Variants in MMS19 observed in about 807,000 individuals in gnomAD.
The protein encoded by MMS19 is MMS19 cytosolic iron-sulfur assembly component.
MMS19 carries 77 observed loss-of-function variants against 129.8 expected under a neutral mutation model. That is an observed-to-expected ratio of 0.59 (90% confidence interval 0.49 to 0.72). The LOEUF (loss-of-function observed/expected upper bound fraction) is 0.72. Ranked by LOEUF, MMS19 falls within the 30% of genes least tolerant of loss-of-function variation. The probability of loss-of-function intolerance (pLI) is 0.00; values close to 1 mark genes in which losing one functional copy is unlikely to be tolerated. For synonymous variants in MMS19, 491 were observed against 502.8 expected (o/e 0.98, Z 0.31); for missense variants, 1,168 against 1,266.3 (o/e 0.92, Z 1.18).
At chr10:97,473,687 G>C (rs2035200660) in intron 8 of MMS19, among the ~76,000 whole-genome samples, 1 of 152,052 alleles carries the variant, frequency 6.6e-6, no homozygotes, top group Non-Finnish European at 1.5e-5. Flanking sequence ...AGAATATCTT[G>C]TGACAAGTGA....
intron 7 of MMS19, 34 bp downstream of exon 7, chr10:97,476,801 C>T: frequency 6.2e-7 from 1 of 1,613,812 alleles, no homozygotes; most frequent in Non-Finnish European, 8.5e-7. Flanking sequence ...TCTGATAAAG[C>T]TCCAATGAGC....
Position 97,476,942 on chromosome 10 carries a change from T to A in MMS19, c.515A>T (p.Asp172Val). The A allele has an allele frequency of 6.2e-7, 1 of 1,613,854 alleles. No individual in the cohort carries two copies. Among genetic ancestry groups the A allele is most frequent in the Non-Finnish European group, 8.5e-7 (1 of 1,179,784 alleles). The change falls in exon 7 of 31, where the codon GAC (aspartate) becomes GTC (valine). Residue 172 changes from aspartate (D) to valine (V), a missense_variant. Asp to Val is a radical substitution (Grantham distance 152). Around this residue, in one of 3 missense-constraint regions of MMS19, gnomAD observed 329 missense variants for 328.6 expected, o/e 1.00. Transcript: ENST00000438925. ...CACCTGGATGAAGCCAAAGGTGAAG[T>A]CAGCTCCTAGGCTCTTTAGCTCTGG... Reference protein sequence around the residue: ...REEELKSLGADFTFGFIQVMD... With the variant: ...REEELKSLGAVFTFGFIQVMD...
At chr10:97,462,172 T>A in intron 20 of MMS19, 53 bp from the exon 21 acceptor site, 8 of 1,303,742 alleles carry the variant, frequency 6.1e-6, no homozygotes, top group Non-Finnish European at 8.7e-6. Flanking sequence ...AAAGCAGCCC[T>A]CTCCTCCACA....
upstream of MMS19, chr10:97,498,456 C>G (rs562528648): frequency 1.4e-5 from 22 of 1,529,402 alleles, no homozygotes; most frequent in Admixed American, 2.0e-5. Flanking sequence ...ATGCGCCTCC[C>G]GAGCCAATCT....
At chr10:97,465,043 C>T (rs947792644) in intron 18 of MMS19, among the ~76,000 whole-genome samples, 5 of 151,520 alleles carry the variant, frequency 3.3e-5, no homozygotes, top group African/African-American at 9.7e-5. Context: ...GAGTTTCACC[C>T]TGTTTGCCCA....
rs755911503 is a variant in MMS19 at position 97,468,551 on chromosome 10, C to T, written c.1064-145G>A. The stretch of plus-strand genomic sequence containing the variant: ...TGTTTTCAATTCAAAGTAGGGCTAT[C>T]GCCCCCAAATCACCAAATATGTTGG... On this transcript the variant is annotated intron_variant, in intron 12 of 30. Transcript: ENST00000438925. 57 of 744,166 alleles carry T rather than the reference C, an allele frequency of 7.7e-5. 1 individual carries two copies. Among genetic ancestry groups the T allele is most frequent in the Admixed American group, 5.2e-4 (15 of 28,894 alleles). The allele number at this position is 744,166 out of a possible 1,614,324, so 46.1% of individuals were successfully genotyped here. A position where few individuals can be genotyped will look rare whatever the true frequency, so the allele number is the denominator to read the frequency against.
intron 12 of MMS19, 47 bp from the exon 13 acceptor site, chr10:97,468,453 C>A: frequency 1.3e-6 from 2 of 1,530,966 alleles, no homozygotes; most frequent in South Asian, 1.2e-5. Context: ...CCAAATGGTG[C>A]CTGACTCCCC....
intron 10 of MMS19, among the ~76,000 whole-genome samples, 178 bp from the exon 11 acceptor site, chr10:97,469,901 G>A (rs901491698): frequency 1.3e-5 from 2 of 152,162 alleles, no homozygotes; most frequent in African/African-American, 2.4e-5. Context: ...TGATAAAATA[G>A]AAGCCTAAAG....
intron 2 of MMS19, among the ~76,000 whole-genome samples, chr10:97,483,809 G>C (rs2037321614): frequency 6.6e-6 from 1 of 152,234 alleles, no homozygotes; most frequent in Non-Finnish European, 1.5e-5. Context: ...ATCAACAACA[G>C]CTGATGGCCT....
Position 97,461,809 on chromosome 10 carries a change from C to A in MMS19, c.2184+19G>T. 1 of 1,602,574 alleles carries A rather than the reference C, an allele frequency of 6.2e-7. No individual in the cohort carries two copies. The highest frequency in any genetic ancestry group is 8.5e-7 in the Non-Finnish European group (1 of 1,174,694). ...TTGTCAAGGTTAAATAACAGTACTT[C>A]CCAAATGTGCTCACTTACATTTCGA... On this transcript the variant is annotated intron_variant, in intron 22 of 30. Transcript: ENST00000438925.
At chr10:97,485,075 T>C (rs1386271852) in intron 1 of MMS19, among the ~76,000 whole-genome samples, 2 of 151,880 alleles carry the variant, frequency 1.3e-5, no homozygotes, top group Non-Finnish European at 2.9e-5. Context: ...GCGTGCGACC[T>C]AGACATAAAC....
Position 97,460,161 on chromosome 10 carries a change from G to T in MMS19, c.2541C>A (p.Asp847Glu), listed in dbSNP as rs761341063. ...AADGFSLLMSDCTDVLTRAGH... is the reference protein window; with the variant it reads ...AADGFSLLMSECTDVLTRAGH... The stretch of plus-strand genomic sequence containing the variant: ...CAGCACGAGTCAGCACATCAGTGCA[G>T]TCAGACATGAGCAGAGAGAAGCCAT... The change falls in exon 26 of 31, where the codon GAC becomes GAA. Residue 847 changes from aspartate (D) to glutamate (E), a missense_variant. Asp to Glu is a conservative substitution (Grantham distance 45). Transcript: ENST00000438925. 1.2e-6 allele frequency: 2 copies of T among 1,614,022 alleles called. No individual in the cohort carries two copies.
chr10:97,471,890 G>A (rs1051044465), intron 8 of MMS19, among the ~76,000 whole-genome samples: 4 of 151,990 alleles, frequency 2.6e-5, no homozygotes, highest in Admixed American at 2.6e-4. Flanking sequence ...AAAAGACAGA[G>A]GTACAAAATA....
rs1427667220 is a variant in MMS19 at position 97,461,819 on chromosome 10, C to T, written c.2184+9G>A. The T allele has an allele frequency of 1.2e-6, 2 of 1,606,174 alleles. No homozygotes were observed. The highest frequency in any genetic ancestry group is 2.7e-5 in the African/African-American group (2 of 74,776). Reference sequence around the variant, plus strand: ...TAAATAACAGTACTTCCCAAATGTGCTCACTTACATTTCGAGGCAGGGAGC... The same window carrying T: ...TAAATAACAGTACTTCCCAAATGTGTTCACTTACATTTCGAGGCAGGGAGC... On this transcript the variant is annotated intron_variant, in intron 22 of 30. Coordinates refer to ENST00000438925, the MANE Select transcript of MMS19 (RefSeq NM_022362.5).
Position 97,469,013 on chromosome 10 carries a change from G to A in MMS19, c.1016C>T (p.Ala339Val). The change falls in exon 12 of 31, where the codon GCT becomes GTT. Residue 339 changes from alanine to valine, a missense_variant. Ala to Val is a moderately conservative substitution (Grantham distance 64, BLOSUM62 0). Around this residue, in one of 3 missense-constraint regions of MMS19, gnomAD observed 831 missense variants for 910.8 expected, o/e 0.91. Transcript: ENST00000438925. ...TACLSRSVLR[A>V]DAEDLLDSFL... ...GGAGTCAAGGAGGTCCTCAGCATCAGCCCTCAGCACAGAGCGAGACAAACA... is the reference window on the plus strand; with the variant it reads ...GGAGTCAAGGAGGTCCTCAGCATCAACCCTCAGCACAGAGCGAGACAAACA... The A allele has an allele frequency of 1.9e-6, 3 of 1,588,026 alleles. No individual in the cohort carries two copies. The highest frequency in any genetic ancestry group is 2.6e-6 in the Non-Finnish European group (3 of 1,167,042).
At chr10:97,459,015 A>C in intron 29 of MMS19, 115 bp from the exon 30 acceptor site, 1 of 1,096,036 alleles carries the variant, frequency 9.1e-7, no homozygotes, top group Non-Finnish European at 1.3e-6. Context: ...TAGTGATTCC[A>C]AGGGATGTTA....
chr10:97,466,550 C>T lies in MMS19; in HGVS notation c.1459G>A (p.Gly487Ser). 1.9e-6 allele frequency: 3 copies of T among 1,613,860 alleles called. No homozygotes were observed. Among genetic ancestry groups the T allele is most frequent in the Non-Finnish European group, 2.5e-6 (3 of 1,179,792 alleles). ...LSYEDLELAV[G>S]HLYRLSFLKE... Reference sequence around the variant, plus strand: ...AGGAAGCTCAGTCTGTACAGGTGACCCACTGCCAGCTCCAAGTCCTCATAA... The same window carrying T: ...AGGAAGCTCAGTCTGTACAGGTGACTCACTGCCAGCTCCAAGTCCTCATAA... Residue 487 changes from glycine to serine, a missense_variant, in exon 16 of 31, where the codon GGT becomes AGT. Coordinates refer to ENST00000438925, the MANE Select transcript of MMS19 (RefSeq NM_022362.5).
chr10:97,498,530 T>A, upstream of MMS19: 1 of 1,117,258 alleles, frequency 9.0e-7, no homozygotes, highest in Non-Finnish European at 1.2e-6. Context: ...CCTAGGCAGT[T>A]CCAGGGAGGG....
At chr10:97,498,181 C>T in intron 1 of MMS19, 92 bp downstream of exon 1, 8 of 1,254,540 alleles carry the variant, frequency 6.4e-6, no homozygotes, top group Non-Finnish European at 7.6e-6. Flanking sequence ...CTCAAAGTCA[C>T]CCCGCTCCTC....
Sources: gnomAD v4.1 joint callset for allele counts (sites outside exome capture counted in the v4.1 genomes callset) on GRCh38, gnomAD v4.1.1 for gene constraint, gnomAD v4.1.1 regional missense constraint, MANE v1.5 for transcripts, NCBI Gene and HGNC (gene_info 2026-07-23, HGNC 2026-07-21) for gene names.